Variants in PCDHGB4 observed in about 807,000 individuals in gnomAD.
PCDHGB4 encodes the protein protocadherin gamma-B4.
Under a neutral mutation model 60.5 loss-of-function variants are expected in PCDHGB4, and 38 were observed. That is an observed-to-expected ratio of 0.63 (90% CI 0.48 to 0.82). The LOEUF (loss-of-function observed/expected upper bound fraction) is 0.82. PCDHGB4 is among the 40% of genes least tolerant of loss of function. PCDHGB4 has a pLI of 0.00. For missense variants in PCDHGB4, 1,109 were observed against 1,209.6 expected (o/e 0.92, Z 1.23); for synonymous variants, 456 against 509.7 (o/e 0.89, Z 1.42).
chr5:141,437,651 CAT>C (rs1255783396), intron 1 of PCDHGB4, among the ~76,000 whole-genome samples: 2 of 151,990 alleles, frequency 1.3e-5, no homozygotes, highest in Non-Finnish European at 2.9e-5. Context: ...AAAGCAAACA[CAT>C]AGTTTCGAAG....
chr5:141,390,479 T>C lies in PCDHGB4; in HGVS notation c.2397+198T>C, dbSNP rs143576019. On this transcript the variant is annotated intron_variant, in intron 1 of 3. Coordinates refer to ENST00000519479, the MANE Select transcript of PCDHGB4 (RefSeq NM_003736.4). Reference sequence around the variant, plus strand: ...GTAGGAGCAATTGTGTGGCCCAACATTTGTTTGTTTTTTAGCCAAGCTTAG... The same window carrying C: ...GTAGGAGCAATTGTGTGGCCCAACACTTGTTTGTTTTTTAGCCAAGCTTAG... 1.6e-3 allele frequency: 1,064 copies of C among 668,890 alleles called. 6 individuals are homozygous for C. The highest frequency in any genetic ancestry group is 0.016 in the African/African-American group (871 of 55,142). The allele number at this position is 668,890 out of a possible 1,614,324, so 41.4% of individuals were successfully genotyped here.
At chr5:141,436,208 A>G (rs1287696925) in intron 1 of PCDHGB4, among the ~76,000 whole-genome samples, 1 of 152,152 alleles carries the variant, frequency 6.6e-6, no homozygotes, top group Non-Finnish European at 1.5e-5. Context: ...CATAATAGGA[A>G]AACAAATGAC....
intron 1 of PCDHGB4, chr5:141,404,606 G>T: frequency 6.2e-7 from 1 of 1,614,106 alleles, no homozygotes; most frequent in Non-Finnish European, 8.5e-7. Flanking sequence ...GAGACTGTTT[G>T]TTTTGGACCA....
chr5:141,430,015 T>G (rs2097256653), intron 1 of PCDHGB4, among the ~76,000 whole-genome samples: 1 of 152,236 alleles, frequency 6.6e-6, no homozygotes, highest in South Asian at 2.1e-4. Context: ...TTCACTTGGG[T>G]TCTTGTTAAG....
At chr5:141,393,971 A>G (rs769025757) in intron 1 of PCDHGB4, 3 of 1,613,904 alleles carry the variant, frequency 1.9e-6, no homozygotes, top group Non-Finnish European at 2.5e-6. Flanking sequence ...TCTGTTACAC[A>G]CGTGATAATT....
At chr5:141,430,715 A>T in intron 1 of PCDHGB4, 1 of 1,483,384 alleles carries the variant, frequency 6.7e-7, no homozygotes, top group Non-Finnish European at 8.9e-7. Context: ...TCCTGACTTC[A>T]GTGGTTAAGG....
In PCDHGB4 at chr5:141,505,471, G is replaced by A. The variant is rs766596231; in HGVS notation, c.2535G>A (p.Ala845=). The A allele has an allele frequency of 3.4e-5, 55 of 1,614,244 alleles. No individual in the cohort carries two copies. The highest frequency in any genetic ancestry group is 1.1e-4 in the East Asian group (5 of 44,880). ...AGATGCTGCAAGCCATGATCTTGGCGTCCGCCAGTGGTAAGTGGTGTCAGT... is the reference window on the plus strand; with the variant it reads ...AGATGCTGCAAGCCATGATCTTGGCATCCGCCAGTGGTAAGTGGTGTCAGT... ...DTEMLQAMIL[A]SASEAADGSS... Residue 845 remains alanine (A), a synonymous_variant, in exon 3 of 4, where the codon GCG becomes GCA. Coordinates refer to ENST00000519479, the MANE Select transcript of PCDHGB4 (RefSeq NM_003736.4).
At position 141,389,789 on chromosome 5, in the gene PCDHGB4, C is replaced by A. The variant is rs1437335316; in HGVS notation, c.1905C>A (p.Ala635=). The stretch of plus-strand genomic sequence containing the variant: ...CGCGTGCCTTAGGCGACAGGGACGC[C>A]GTCCGCCAGCGCCTTCTGGTCGCCG... ...RTARALGDRD[A]VRQRLLVAVR... Residue 635 remains alanine (A), a synonymous_variant, in exon 1 of 4, where the codon GCC becomes GCA. Coordinates refer to ENST00000519479, the MANE Select transcript of PCDHGB4 (RefSeq NM_003736.4). The A allele has an allele frequency of 2.5e-6, 4 of 1,613,328 alleles. No individual in the cohort carries two copies. Among genetic ancestry groups the A allele is most frequent in the African/African-American group, 2.7e-5 (2 of 74,946 alleles).
intron 3 of PCDHGB4, among the ~76,000 whole-genome samples, chr5:141,506,444 CA>C (rs1219684339): frequency 0.54 from 51,660 of 95,006 alleles, 10,715 homozygotes; most frequent in African/African-American, 0.61. Context: ...CGCTCTGTCT[CA>C]AAAAAAAAAA....
chr5:141,408,307 C>T, intron 1 of PCDHGB4: 1 of 1,613,820 alleles, frequency 6.2e-7, no homozygotes, highest in East Asian at 2.2e-5. Flanking sequence ...CGATCCGCTA[C>T]TCGATTCCGG....
intron 1 of PCDHGB4, chr5:141,427,298 G>C (rs960474831): frequency 4.4e-6 from 2 of 456,752 alleles, no homozygotes; most frequent in East Asian, 1.4e-4. Context: ...TCCTAGATGA[G>C]AATGACAATG....
At chr5:141,424,784 C>T (rs1351935601) in intron 1 of PCDHGB4, 2 of 152,062 alleles carry the variant, frequency 1.3e-5, no homozygotes, top group Non-Finnish European at 2.9e-5. Context: ...ACATTCAGTT[C>T]TTTTATTCAG....
At chr5:141,394,532 T>A (rs1259695027) in intron 1 of PCDHGB4, 3 of 1,614,070 alleles carry the variant, frequency 1.9e-6, no homozygotes, top group African/African-American at 2.7e-5. Flanking sequence ...ACGGTTCCAC[T>A]GGCGTGGAGC....
chr5:141,428,106 C>T, intron 1 of PCDHGB4: 1 of 1,608,152 alleles, frequency 6.2e-7, no homozygotes. Context: ...CCACGTGCTG[C>T]AGGCCATCGA....
intron 1 of PCDHGB4, chr5:141,410,836 ATT>A (rs371761731): frequency 1.6e-5 from 4 of 254,870 alleles, no homozygotes; most frequent in African/African-American, 1.4e-4. Flanking sequence ...GACTGAAGAT[ATT>A]TTGTCTTTGT....
chr5:141,444,640 G>A (rs192148868), intron 1 of PCDHGB4, among the ~76,000 whole-genome samples: 3 of 152,196 alleles, frequency 2.0e-5, no homozygotes, highest in Non-Finnish European at 2.9e-5. Flanking sequence ...GTTCATTGAG[G>A]TAGGGGTTGA....
chr5:141,432,575 T>TACC lies in PCDHGB4; in HGVS notation c.2397+42295_2397+42297dup, dbSNP rs1044250629. 6.2e-7 allele frequency: 1 copy of TACC among 1,613,326 alleles called. No individual in the cohort carries two copies. The highest frequency in any genetic ancestry group is 1.3e-5 in the African/African-American group (1 of 74,718). ...CTCCGGCCAGAACGCCTGGCTGTCC[T>TACC]ACCGTCTGCTCAAGGCCAGCGAGCC... On this transcript the variant is annotated intron_variant, in intron 1 of 3. Transcript: ENST00000519479. This position sits in a 1 kb window ranked among gnomAD's most constrained non-coding sequence, Gnocchi z 6.0.
At position 141,493,026 on chromosome 5, in the gene PCDHGB4, C is replaced by G. The variant is rs73280358; in HGVS notation, c.2398-1781C>G. Reference sequence around the variant, plus strand: ...TAGGCTCTGCCAGATGCCAGGGTGCCCTTATGTGTGAGGAAACTACAATAG... The same window carrying G: ...TAGGCTCTGCCAGATGCCAGGGTGCGCTTATGTGTGAGGAAACTACAATAG... On this transcript the variant is annotated intron_variant, in intron 1 of 3. Coordinates refer to ENST00000519479, the MANE Select transcript of PCDHGB4 (RefSeq NM_003736.4). This position sits in a 1 kb window ranked among gnomAD's most constrained non-coding sequence, Gnocchi z 4.3. 0.039 allele frequency among the ~76,000 whole-genome samples: 5,923 copies of G among 152,298 alleles called. 150 individuals are homozygous for G. The highest frequency in any genetic ancestry group is 0.077 in the South Asian group (370 of 4,822).
chr5:141,485,814 CT>C lies in PCDHGB4; in HGVS notation c.2398-8992del, dbSNP rs2099619658. On this transcript the variant is annotated intron_variant, in intron 1 of 3. Transcript: ENST00000519479. The surrounding 1 kb of genome is among the most constrained non-coding windows in gnomAD (Gnocchi z 5.7). ...TCGGACTACCGCCTGGTGCTGACTGCTGTCGATGGAGGGAACCCGCCGAGAT... is the reference window on the plus strand; with the variant it reads ...TCGGACTACCGCCTGGTGCTGACTGCGTCGATGGAGGGAACCCGCCGAGAT... The C allele has an allele frequency of 6.2e-7, 1 of 1,613,864 alleles. No individual in the cohort carries two copies. Among genetic ancestry groups the C allele is most frequent in the Non-Finnish European group, 8.5e-7 (1 of 1,179,990 alleles).
Sources: gnomAD v4.1 joint callset for allele counts (sites outside exome capture counted in the v4.1 genomes callset) on GRCh38, gnomAD v4.1.1 for gene constraint, Gnocchi (gnomAD v3.1) non-coding constraint, MANE v1.5 for transcripts, NCBI Gene and HGNC (gene_info 2026-07-23, HGNC 2026-07-21) for gene names.